ATG7: variants seen among roughly 807,000 people sequenced by gnomAD.
ATG7 encodes the protein autophagy related 7, also known as ubiquitin-like modifier-activating enzyme ATG7.
Under a neutral mutation model 82.4 loss-of-function variants are expected in ATG7, and 70 were observed. The ratio of observed to expected loss-of-function variants is 0.85; its 90% CI spans 0.70 to 1.04. ATG7 has a LOEUF of 1.04. ATG7 is among the 50% of genes least tolerant of loss of function. The probability of loss-of-function intolerance (pLI) is 0.00; values close to 1 mark genes in which losing one functional copy is unlikely to be tolerated. For missense variants in ATG7, 792 were observed against 864.3 expected, an observed-to-expected ratio of 0.92 and a Z score of 1.05; for synonymous variants, 287 against 313.0, an observed-to-expected ratio of 0.92 and a Z score of 0.88.
At chr3:11,292,480 G>A (rs892954170) in intron 3 of ATG7, among the ~76,000 whole-genome samples, 2 of 151,988 alleles carry the variant, frequency 1.3e-5, no homozygotes, top group African/African-American at 4.8e-5. Context: ...GGCTGGTCTC[G>A]AGCTCTTGAC....
chr3:11,339,335 T>C (rs1575556925), intron 11 of ATG7, among the ~76,000 whole-genome samples: 1 of 148,992 alleles, frequency 6.7e-6, no homozygotes, highest in African/African-American at 2.5e-5. Flanking sequence ...AAAACCAGCG[T>C]ATAATTAGAA....
chr3:11,512,844 T>C (rs906938292), intron 20 of ATG7, among the ~76,000 whole-genome samples: 1 of 152,110 alleles, frequency 6.6e-6, no homozygotes, highest in Admixed American at 6.6e-5. Flanking sequence ...CACATCCTGC[T>C]GATTGGTCCA....
chr3:11,571,189 G>C, the ATG7 span, among the ~76,000 whole-genome samples: 68,215 of 152,002 alleles, frequency 0.45, 17,369 homozygotes, highest in Non-Finnish European at 0.6. Context: ...TCAATAGCGG[G>C]GTCCATCCTC....
At chr3:11,440,271 C>T (rs2083756834) in intron 20 of ATG7, among the ~76,000 whole-genome samples, 1 of 151,282 alleles carries the variant, frequency 6.6e-6, no homozygotes, top group African/African-American at 2.4e-5. Flanking sequence ...TCCCAACTTA[C>T]CATTGGGAAA....
chr3:11,424,045 G>A lies in ATG7; in HGVS notation c.1957-2759G>A, dbSNP rs574437493. ...AGCCCCATAGTCTAACCCTTCTCGG[G>A]TCACAGAGGACTTCCTGCCAGCTAT... On this transcript the variant is annotated intron_variant, in intron 19 of 20. Transcript: ENST00000693202. Among the ~76,000 whole-genome samples the A allele has an allele frequency of 6.6e-5, 10 of 152,196 alleles. No homozygotes were observed. The South Asian group carries it at 1.7e-3, about 25-fold the overall frequency.
chr3:11,458,978 T>C (rs1017292857), intron 20 of ATG7, among the ~76,000 whole-genome samples: 1 of 152,046 alleles, frequency 6.6e-6, no homozygotes, highest in Non-Finnish European at 1.5e-5. Flanking sequence ...GCTTATGAGA[T>C]TCTAACACCT....
chr3:11,344,440 C>T (rs1312031127), intron 13 of ATG7, among the ~76,000 whole-genome samples: 2 of 152,156 alleles, frequency 1.3e-5, no homozygotes, highest in Non-Finnish European at 1.5e-5. Flanking sequence ...TCAGAAATGT[C>T]GAGCTTTATC....
chr3:11,316,373 T>C (rs868522398), intron 9 of ATG7, among the ~76,000 whole-genome samples: 15 of 152,210 alleles, frequency 9.9e-5, no homozygotes, highest in African/African-American at 3.4e-4. Context: ...GTCAGATACA[T>C]CTAAAACTTT....
At chr3:11,326,786 C>T (rs1027633546) in intron 9 of ATG7, among the ~76,000 whole-genome samples, 2 of 152,208 alleles carry the variant, frequency 1.3e-5, no homozygotes, top group Non-Finnish European at 2.9e-5. Context: ...AGGAAGACAA[C>T]TTCTTAATTC....
intron 20 of ATG7, among the ~76,000 whole-genome samples, chr3:11,464,147 G>A (rs959439562): frequency 6.6e-6 from 1 of 152,146 alleles, no homozygotes; most frequent in Non-Finnish European, 1.5e-5. Flanking sequence ...CAAGGCAGGC[G>A]GATCACTTGA....
At chr3:11,524,919 G>A (rs2092535859) in intron 20 of ATG7, among the ~76,000 whole-genome samples, 2 of 152,266 alleles carry the variant, frequency 1.3e-5, no homozygotes, top group South Asian at 2.1e-4. Context: ...ATCAGCAGCA[G>A]ATGTTTAAAA....
chr3:11,395,979 G>T (rs2079229689), intron 19 of ATG7, among the ~76,000 whole-genome samples: 2 of 140,060 alleles, frequency 1.4e-5, no homozygotes, highest in Admixed American at 7.3e-5. Context: ...AGGGGGGGAA[G>T]AGTAAAAGTG....
intron 20 of ATG7, among the ~76,000 whole-genome samples, chr3:11,492,645 C>G (rs972398460): frequency 3.9e-5 from 6 of 152,186 alleles, no homozygotes; most frequent in Admixed American, 3.3e-4. Flanking sequence ...GGAGCAAACT[C>G]CCTTAACTTG....
chr3:11,445,889 A>G (rs1365400164), intron 20 of ATG7, among the ~76,000 whole-genome samples: 1 of 152,116 alleles, frequency 6.6e-6, no homozygotes, highest in Non-Finnish European at 1.5e-5. Flanking sequence ...TTTCCTGATC[A>G]CTGATGATGT....
At chr3:11,361,518 C>T (rs1241602647) in intron 16 of ATG7, among the ~76,000 whole-genome samples, 3 of 152,008 alleles carry the variant, frequency 2.0e-5, no homozygotes, top group Non-Finnish European at 4.4e-5. Flanking sequence ...CTCCTGACCT[C>T]GTGATCCACC....
intron 20 of ATG7, among the ~76,000 whole-genome samples, chr3:11,541,841 GTA>G (rs2070861806): frequency 6.6e-6 from 1 of 152,168 alleles, no homozygotes; most frequent in Non-Finnish European, 1.5e-5. Context: ...TAAGAACTAC[GTA>G]ACAGAAACCA....
At chr3:11,407,420 A>G (rs979699677) in intron 19 of ATG7, among the ~76,000 whole-genome samples, 1 of 152,172 alleles carries the variant, frequency 6.6e-6, no homozygotes, top group Non-Finnish European at 1.5e-5. Flanking sequence ...CCAGGCACAC[A>G]GCACAGTTGT....
intron 20 of ATG7, among the ~76,000 whole-genome samples, chr3:11,440,352 T>G (rs1363562045): frequency 1.8e-5 from 2 of 108,484 alleles, no homozygotes; most frequent in Non-Finnish European, 3.5e-5. Context: ...TGAGACGGAG[T>G]CTCGCTCTGT....
chr3:11,371,594 G>A (rs1412046883), intron 18 of ATG7, among the ~76,000 whole-genome samples: 1 of 150,782 alleles, frequency 6.6e-6, no homozygotes, highest in African/African-American at 2.4e-5. Context: ...CCTTCCATCA[G>A]AATCACCTAA....
Sources: allele counts gnomAD v4.1 joint callset (sites outside exome capture counted in the v4.1 genomes callset), GRCh38; gene constraint gnomAD v4.1.1; transcripts MANE v1.5; gene names NCBI Gene and HGNC (gene_info 2026-07-23, HGNC 2026-07-21).